The following PDIA3 variants were observed in gnomAD, a reference collection of about 807,000 sequenced individuals.
The protein encoded by PDIA3 is protein disulfide-isomerase A3.
Under a neutral mutation model 56.9 loss-of-function variants are expected in PDIA3, and 16 were observed. The observed-to-expected ratio is 0.28, with a 90% confidence interval of 0.19 to 0.43. The LOEUF (loss-of-function observed/expected upper bound fraction) is 0.43. PDIA3 is among the 20% of genes least tolerant of loss of function. The pLI, the probability that PDIA3 is intolerant of heterozygous loss-of-function variation, is 1.00. For missense variants in PDIA3, 485 were observed against 621.3 expected (o/e 0.78, Z 2.33); for synonymous variants, 192 against 216.5 (o/e 0.89, Z 0.99).
At chr15:43,763,005 A>G (rs1373176686) in intron 4 of PDIA3, 72 bp from the exon 5 acceptor site, 7 of 1,434,202 alleles carry the variant, frequency 4.9e-6, no homozygotes, top group Middle Eastern at 3.5e-4. Flanking sequence ...TATGGAATAG[A>G]CGTTTATGGT....
intron 8 of PDIA3, among the ~76,000 whole-genome samples, chr15:43,767,370 A>C (rs1352591305): frequency 6.6e-6 from 1 of 152,106 alleles, no homozygotes; most frequent in Non-Finnish European, 1.5e-5. Context: ...GAAATAAATA[A>C]AGAAAAATAA....
chr15:43,770,148 T>C, intron 10 of PDIA3, 102 bp from the exon 11 acceptor site: 1 of 925,200 alleles, frequency 1.1e-6, no homozygotes, highest in South Asian at 1.5e-5. Context: ...TTTTGTATTT[T>C]TAGTGTTTGA....
intron 3 of PDIA3, among the ~76,000 whole-genome samples, chr15:43,759,888 A>C (rs1270311424): frequency 6.6e-6 from 1 of 152,014 alleles, no homozygotes; most frequent in African/African-American, 2.4e-5. Flanking sequence ...GTTCAAGACC[A>C]GCCTGACCAG....
chr15:43,746,781 C>G lies in PDIA3; in HGVS notation c.167+75C>G, dbSNP rs1567153708. 2.4e-5 allele frequency: 36 copies of G among 1,502,284 alleles called. No individual in the cohort carries two copies. In the East Asian group the frequency reaches 8.2e-4, roughly 34 times the overall value. The allele number at this position is 1,502,284 out of a possible 1,614,324, so 93.1% of individuals were successfully genotyped here. A position where few individuals can be genotyped will look rare whatever the true frequency, so the allele number is the denominator to read the frequency against. On this transcript the variant is annotated intron_variant, in intron 1 of 12. Coordinates refer to ENST00000300289, the MANE Select transcript of PDIA3 (RefSeq NM_005313.5). ...GGCGAGAGCGCGGGGAACTGTTGGG[C>G]CTACGCAGCGCCGGGGCCCTTCATT...
At position 43,765,586 on chromosome 15, in the gene PDIA3, T is replaced by C; in HGVS notation, c.719+20T>C. 1 of 1,348,966 alleles carries C rather than the reference T, an allele frequency of 7.4e-7. No homozygotes were observed. The highest frequency in any genetic ancestry group is 1.1e-6 in the Non-Finnish European group (1 of 947,564). The allele number at this position is 1,348,966 out of a possible 1,614,324, so 83.6% of individuals were successfully genotyped here. On this transcript the variant is annotated intron_variant, in intron 6 of 12. Coordinates refer to ENST00000300289, the MANE Select transcript of PDIA3 (RefSeq NM_005313.5). Reference sequence around the variant, plus strand: ...AAACATGTGAGTACTTCTTTGTATCTTGTCTGGGATTTATTTGCTTGATTT... The same window carrying C: ...AAACATGTGAGTACTTCTTTGTATCCTGTCTGGGATTTATTTGCTTGATTT...
intron 4 of PDIA3, 60 bp downstream of exon 4, chr15:43,761,591 A>G (rs1220956051): frequency 5.5e-6 from 5 of 903,184 alleles, no homozygotes; most frequent in Non-Finnish European, 7.2e-6. Context: ...AAAACCCTCC[A>G]TGTCTGGGAA....
chr15:43,769,909 G>A (rs2086871035), intron 10 of PDIA3, among the ~76,000 whole-genome samples: 1 of 152,184 alleles, frequency 6.6e-6, no homozygotes, highest in Non-Finnish European at 1.5e-5. Flanking sequence ...TTTTGGTAAT[G>A]GCTTACATGA....
rs1299082484 is a variant in PDIA3 at position 43,768,419 on chromosome 15, A to G, written c.1029-70A>G. 3 of 1,171,962 alleles carry G rather than the reference A, an allele frequency of 2.6e-6. No homozygotes were observed. The East Asian group carries it at 7.1e-5, about 28-fold the overall frequency. 72.6% of individuals were successfully genotyped at this position (1,171,962 alleles called of 1,614,324 possible). On this transcript the variant is annotated intron_variant, in intron 8 of 12. Coordinates refer to ENST00000300289, the MANE Select transcript of PDIA3 (RefSeq NM_005313.5). Reference sequence around the variant, plus strand: ...AGCTAAAATACATAGTAACTATTCAAAGAAATTGCTGTAATTTTCTCAGCG... The same window carrying G: ...AGCTAAAATACATAGTAACTATTCAGAGAAATTGCTGTAATTTTCTCAGCG...
At chr15:43,751,591 CCTG>C (rs1268929610) in intron 1 of PDIA3, 1 of 1,303,820 alleles carries the variant, frequency 7.7e-7, no homozygotes, top group Non-Finnish European at 1.0e-6. Flanking sequence ...GAGTTCCATT[CCTG>C]CTGGATTTGA....
chr15:43,750,022 T>G (rs2086733302), intron 1 of PDIA3, among the ~76,000 whole-genome samples: 1 of 151,602 alleles, frequency 6.6e-6, no homozygotes, highest in African/African-American at 2.4e-5. Flanking sequence ...GCAAATTCTT[T>G]TTCCGCTTTC....
At position 43,746,438 on chromosome 15, in the gene PDIA3, A is replaced by T; in HGVS notation, c.-102A>T. ...CTCCGGCTGCAGGTCCGCCTGGGCC[A>T]GACGCGCGAGCGCAAGCAGCGGGTT... On this transcript the variant is annotated 5_prime_UTR_variant, in exon 1 of 13. Transcript: ENST00000300289. 7 of 1,215,386 alleles carry T rather than the reference A, an allele frequency of 5.8e-6. No homozygotes were observed. Among genetic ancestry groups the T allele is most frequent in the Non-Finnish European group, 7.6e-6 (7 of 916,526 alleles). 75.3% of individuals were successfully genotyped at this position (1,215,386 alleles called of 1,614,324 possible). A position where few individuals can be genotyped will look rare whatever the true frequency, so the allele number is the denominator to read the frequency against.
chr15:43,768,367 G>T (rs2086861222), intron 8 of PDIA3, 122 bp from the exon 9 acceptor site: 2 of 636,366 alleles, frequency 3.1e-6, no homozygotes, highest in African/African-American at 1.8e-5. Flanking sequence ...ATTGAGAGAT[G>T]AGAGTCCCCC....
intron 3 of PDIA3, among the ~76,000 whole-genome samples, chr15:43,756,979 C>T (rs116408866): frequency 3.0e-3 from 452 of 152,190 alleles, no homozygotes; most frequent in African/African-American, 0.01. Flanking sequence ...AAGGTCAGCT[C>T]GACATTTTTT....
chr15:43,769,143 A>G (rs2086866359), intron 9 of PDIA3, among the ~76,000 whole-genome samples: 1 of 152,130 alleles, frequency 6.6e-6, no homozygotes, highest in African/African-American at 2.4e-5. Flanking sequence ...GGATAGAGCA[A>G]CCCCTAAGAA....
Position 43,753,832 on chromosome 15 carries a change from A to G in PDIA3, c.176A>G (p.His59Arg). 1 of 1,610,502 alleles carries G rather than the reference A, an allele frequency of 6.2e-7. No individual in the cohort carries two copies. Among genetic ancestry groups the G allele is most frequent in the Non-Finnish European group, 8.5e-7 (1 of 1,176,756 alleles). The change falls in exon 2 of 13, where the codon CAC (histidine) becomes CGC (arginine). Residue 59 changes from histidine (H) to arginine (R), a missense_variant. Coordinates refer to ENST00000300289, the MANE Select transcript of PDIA3 (RefSeq NM_005313.5). ...TTTTAATACGTATATAGGTGTGGAC[A>G]CTGCAAGAGACTTGCACCTGAGTAT... is the stretch of plus-strand genomic sequence containing the variant. ...LVEFFAPWCG[H>R]CKRLAPEYEA...
In PDIA3 at chr15:43,756,638, T is replaced by C. The variant is rs764813695; in HGVS notation, c.247-11T>C. 7.6e-6 allele frequency: 11 copies of C among 1,446,266 alleles called. No individual in the cohort carries two copies. Among genetic ancestry groups the C allele is most frequent in the Non-Finnish European group, 1.9e-6 (2 of 1,029,222 alleles). The allele number at this position is 1,446,266 out of a possible 1,614,324, so 89.6% of individuals were successfully genotyped here. A position where few individuals can be genotyped will look rare whatever the true frequency, so the allele number is the denominator to read the frequency against. On this transcript the variant is annotated splice_polypyrimidine_tract_variant and intron_variant, in intron 2 of 12. Coordinates refer to ENST00000300289, the MANE Select transcript of PDIA3 (RefSeq NM_005313.5). ...TGGATAAGAAAATAGTTTGTGTATT[T>C]TGATCTTTAGGTTGATTGCACTGCC...
At chr15:43,756,891 C>A in intron 3 of PDIA3, 125 bp downstream of exon 3, 1 of 585,360 alleles carries the variant, frequency 1.7e-6, no homozygotes, top group African/African-American at 1.9e-5. Flanking sequence ...TCTAAGAGGT[C>A]AGTTTGGTGG....
chr15:43,767,649 A>G (rs1451800879), intron 8 of PDIA3, among the ~76,000 whole-genome samples: 1 of 151,594 alleles, frequency 6.6e-6, no homozygotes, highest in East Asian at 1.9e-4. Flanking sequence ...GCGCACCTGT[A>G]ATTCCAGCTA....
chr15:43,765,710 A>G (rs2086843645), intron 6 of PDIA3, 144 bp downstream of exon 6: 1 of 843,506 alleles, frequency 1.2e-6, no homozygotes, highest in African/African-American at 1.7e-5. Context: ...ATATTAAAGC[A>G]GTAATGTGTG....
Sources: gnomAD v4.1 joint callset for allele counts (sites outside exome capture counted in the v4.1 genomes callset) on GRCh38, gnomAD v4.1.1 for gene constraint, MANE v1.5 for transcripts, NCBI Gene and HGNC (gene_info 2026-07-23, HGNC 2026-07-21) for gene names.